Variants in AKAP7 observed in about 807,000 individuals in gnomAD.
AKAP7 encodes the protein A-kinase anchoring protein 7.
Under a neutral mutation model 39.5 loss-of-function variants are expected in AKAP7, and 39 were observed. The observed-to-expected ratio is 0.99, with a 90% CI of 0.76 to 1.29. The LOEUF is 1.29. AKAP7 is among the 50% of genes most tolerant of loss of function. The pLI, the probability that AKAP7 is intolerant of heterozygous loss-of-function variation, is 0.00. For synonymous variants in AKAP7, 140 were observed against 139.1 expected (o/e 1.01, Z -0.05); for missense variants, 414 against 407.7 (o/e 1.02, Z -0.13).
upstream of AKAP7, among the ~76,000 whole-genome samples, chr6:131,135,308 C>T (rs114078321): frequency 6.6e-6 from 1 of 152,282 alleles, no homozygotes; most frequent in African/African-American, 2.4e-5. Flanking sequence ...CCGCGGGGCT[C>T]GGCAGGCAGG....
chr6:131,152,652 C>G (rs1397358852), intron 2 of AKAP7, among the ~76,000 whole-genome samples: 1 of 151,154 alleles, frequency 6.6e-6, no homozygotes, highest in African/African-American at 2.4e-5. Flanking sequence ...ACATGCGAAA[C>G]CCCATGTCTA....
At chr6:131,167,131 T>C (rs1332177052) in intron 4 of AKAP7, among the ~76,000 whole-genome samples, 1 of 152,130 alleles carries the variant, frequency 6.6e-6, no homozygotes, top group Non-Finnish European at 1.5e-5. Context: ...GTTTGAGAAT[T>C]TCGTTTCTTA....
chr6:131,167,080 C>T (rs1803580303), intron 4 of AKAP7, among the ~76,000 whole-genome samples: 1 of 152,094 alleles, frequency 6.6e-6, no homozygotes, highest in African/African-American at 2.4e-5. Context: ...TTACAAATGT[C>T]CTGTCTTAGT....
chr6:131,189,700 T>G (rs1806220949), intron 5 of AKAP7, among the ~76,000 whole-genome samples: 1 of 152,236 alleles, frequency 6.6e-6, no homozygotes, highest in Admixed American at 6.5e-5. Context: ...TTTGTTAGGG[T>G]TACAAATGTG....
intron 2 of AKAP7, among the ~76,000 whole-genome samples, chr6:131,158,920 A>C (rs972950888): frequency 6.6e-6 from 1 of 152,016 alleles, no homozygotes; most frequent in Non-Finnish European, 1.5e-5. Context: ...TCTGTTAAAA[A>C]AAAAAAAAAG....
intron 2 of AKAP7, among the ~76,000 whole-genome samples, chr6:131,154,990 G>C (rs1253381344): frequency 6.7e-6 from 1 of 149,670 alleles, no homozygotes; most frequent in African/African-American, 2.5e-5. Context: ...TTAAGTTTCT[G>C]ACATTTGTAA....
chr6:131,263,480 T>G (rs950909735), intron 7 of AKAP7, among the ~76,000 whole-genome samples: 4 of 152,190 alleles, frequency 2.6e-5, no homozygotes, highest in African/African-American at 9.6e-5. Flanking sequence ...CTACAATGTG[T>G]ATGCAACCTG....
intron 7 of AKAP7, among the ~76,000 whole-genome samples, chr6:131,252,355 C>A (rs1372173149): frequency 6.6e-6 from 1 of 152,144 alleles, no homozygotes; most frequent in Non-Finnish European, 1.5e-5. Context: ...CCCCTGCCCC[C>A]ATTCACTCCT....
At chr6:131,241,625 G>GTA (rs1372694997) in intron 7 of AKAP7, among the ~76,000 whole-genome samples, 35 of 65,296 alleles carry the variant, frequency 5.4e-4, no homozygotes, top group African/African-American at 2.8e-3. Context: ...GTGTGTGTGT[G>GTA]TGTATATATA....
intron 7 of AKAP7, among the ~76,000 whole-genome samples, chr6:131,256,640 ACT>A (rs35443589): frequency 0.26 from 40,038 of 151,604 alleles, 6,055 homozygotes; most frequent in Middle Eastern, 0.38. Flanking sequence ...AAGCAGCAGG[ACT>A]CTGATATACC....
intron 5 of AKAP7, among the ~76,000 whole-genome samples, chr6:131,189,320 G>A (rs1806177052): frequency 6.6e-6 from 1 of 152,180 alleles, no homozygotes; most frequent in Non-Finnish European, 1.5e-5. Context: ...TATAAGTTTA[G>A]TAATATAATG....
At chr6:131,237,995 G>C (rs1811216591) in intron 7 of AKAP7, among the ~76,000 whole-genome samples, 2 of 152,108 alleles carry the variant, frequency 1.3e-5, no homozygotes, top group Non-Finnish European at 2.9e-5. Context: ...TAATTGTGAT[G>C]TTAGGGTGTC....
intron 7 of AKAP7, among the ~76,000 whole-genome samples, chr6:131,248,644 G>A (rs1247718145): frequency 6.6e-6 from 1 of 152,126 alleles, no homozygotes; most frequent in Non-Finnish European, 1.5e-5. Context: ...TTTCCTAGCT[G>A]GGTAGTGGCA....
At chr6:131,226,352 T>C (rs139964178) in intron 7 of AKAP7, among the ~76,000 whole-genome samples, 99 of 152,326 alleles carry the variant, frequency 6.5e-4, no homozygotes, top group African/African-American at 2.3e-3. Context: ...TTTTCAGATA[T>C]AAGAAAAGGT....
intron 5 of AKAP7, among the ~76,000 whole-genome samples, chr6:131,173,877 A>T (rs1186885505): frequency 6.6e-6 from 1 of 152,354 alleles, no homozygotes. Context: ...TGCTTGCAAC[A>T]TTGAGAATTC....
At chr6:131,217,122 T>A (rs1262565190) in intron 6 of AKAP7, among the ~76,000 whole-genome samples, 1 of 152,066 alleles carries the variant, frequency 6.6e-6, no homozygotes, top group Non-Finnish European at 1.5e-5. Context: ...ATTTTGGGGG[T>A]CCACAACCTG....
chr6:131,250,498 T>C, intron 7 of AKAP7: 1 of 1,612,316 alleles, frequency 6.2e-7, no homozygotes, highest in Non-Finnish European at 8.5e-7. Context: ...CAGACTGTGC[T>C]ATAAACTGCA....
At chr6:131,249,376 T>C (rs1812268073) in intron 7 of AKAP7, among the ~76,000 whole-genome samples, 1 of 152,228 alleles carries the variant, frequency 6.6e-6, no homozygotes, top group Admixed American at 6.5e-5. Context: ...ATATAATTTG[T>C]AAAATTGACA....
At chr6:131,178,670 A>T (rs1562187808) in intron 5 of AKAP7, among the ~76,000 whole-genome samples, 1 of 151,978 alleles carries the variant, frequency 6.6e-6, no homozygotes, top group Non-Finnish European at 1.5e-5. Flanking sequence ...GGATGTATTC[A>T]TTCTTAAAGT....
Sources: allele counts gnomAD v4.1 joint callset (sites outside exome capture counted in the v4.1 genomes callset), GRCh38; gene constraint gnomAD v4.1.1; transcripts MANE v1.5; gene names NCBI Gene and HGNC (gene_info 2026-07-23, HGNC 2026-07-21).